Variants in DLST observed in about 807,000 individuals in gnomAD.
The protein encoded by DLST is dihydrolipoyllysine-residue succinyltransferase component of 2-oxoglutarate dehydrogenase complex, mitochondrial.
DLST carries 17 observed loss-of-function variants against 53.1 expected under a neutral mutation model. The observed-to-expected ratio is 0.32, with a 90% CI of 0.22 to 0.48. The LOEUF is 0.48. DLST is among the 20% of genes least tolerant of loss of function. The pLI is 0.99. For missense variants in DLST, 512 were observed against 583.9 expected, an observed-to-expected ratio of 0.88 and a Z score of 1.27; for synonymous variants, 206 against 204.8, an observed-to-expected ratio of 1.01 and a Z score of -0.05.
At chr14:74,899,652 A>G (rs1884179213) in intron 11 of DLST, among the ~76,000 whole-genome samples, 3 of 152,180 alleles carry the variant, frequency 2.0e-5, no homozygotes, top group Admixed American at 1.3e-4. Context: ...TACCTATCCT[A>G]TGGAAGCCAG....
intron 10 of DLST, among the ~76,000 whole-genome samples, chr14:74,897,088 GT>G (rs1311389384): frequency 1.3e-5 from 2 of 152,202 alleles, no homozygotes; most frequent in African/African-American, 4.8e-5. Flanking sequence ...ATTTGGGCAG[GT>G]TTGAGAGCAG....
chr14:74,894,200 A>G, intron 9 of DLST, 112 bp from the exon 10 acceptor site: 1 of 1,235,918 alleles, frequency 8.1e-7, no homozygotes, highest in Non-Finnish European at 1.1e-6. Context: ...GTACTTAGAT[A>G]CTGTAGTCCT....
Position 74,902,841 on chromosome 14 carries a change from T to G in DLST, c.*511T>G, listed in dbSNP as rs1467330099. The G allele has an allele frequency of 6.5e-6, 1 of 152,806 alleles. No individual in the cohort carries two copies. The highest frequency in any genetic ancestry group is 1.5e-5 in the Non-Finnish European group (1 of 68,144). The allele number at this position is 152,806 out of a possible 1,614,324, so 9.5% of individuals were successfully genotyped here. ...TTGAACACAGGCAAAGAGGTGCTGC[T>G]TTGCTTCTTCAATGGCACCTTCATT... is the stretch of plus-strand genomic sequence containing the variant. On this transcript the variant is annotated 3_prime_UTR_variant, in exon 15 of 15. Transcript: ENST00000334220.
At chr14:74,885,091 C>T (rs1883656474) in intron 2 of DLST, among the ~76,000 whole-genome samples, 2 of 152,174 alleles carry the variant, frequency 1.3e-5, no homozygotes. Context: ...GTAGCCAAGT[C>T]TTTGCTACTA....
chr14:74,889,780 A>T (rs1243255726), intron 5 of DLST, 117 bp from the exon 6 acceptor site: 5 of 934,132 alleles, frequency 5.4e-6, no homozygotes, highest in Non-Finnish European at 8.5e-6. Flanking sequence ...TTACATATGT[A>T]CTTTCTGCTG....
intron 1 of DLST, 133 bp from the exon 2 acceptor site, chr14:74,882,443 CTGCCAGCACGGTGTG>C: frequency 1.4e-6 from 1 of 717,466 alleles, no homozygotes. Flanking sequence ...TTGATTGGGT[CTGCCAGCACGGTGTG>C]TTGCATTTAC....
chr14:74,896,924 A>G (rs1179714062), intron 10 of DLST, among the ~76,000 whole-genome samples: 1 of 152,150 alleles, frequency 6.6e-6, no homozygotes, highest in Non-Finnish European at 1.5e-5. Flanking sequence ...GCTGCAGCCT[A>G]ATTTGGTTTA....
chr14:74,892,802 T>C (rs1883954167), intron 7 of DLST, 32 bp from the exon 8 acceptor site: 1 of 1,576,168 alleles, frequency 6.3e-7, no homozygotes, highest in Admixed American at 1.9e-5. Context: ...TTTCAGACAG[T>C]GCCAGTGGCA....
chr14:74,895,071 A>G (rs1212222314), intron 10 of DLST, among the ~76,000 whole-genome samples: 1 of 152,108 alleles, frequency 6.6e-6, no homozygotes, highest in Non-Finnish European at 1.5e-5. Context: ...TACAAAAAAT[A>G]CAAAAATTAG....
intron 10 of DLST, among the ~76,000 whole-genome samples, chr14:74,897,921 T>C (rs1037818319): frequency 6.0e-5 from 9 of 150,876 alleles, no homozygotes; most frequent in African/African-American, 1.7e-4. Flanking sequence ...ACGGGAGTTA[T>C]ACTCAGATTT....
intron 9 of DLST, among the ~76,000 whole-genome samples, chr14:74,894,065 T>C (rs1883996928): frequency 6.6e-6 from 1 of 152,218 alleles, no homozygotes; most frequent in African/African-American, 2.4e-5. Flanking sequence ...TTTAAATCAC[T>C]GTTTCTGAGC....
At chr14:74,897,780 G>A (rs753720510) in intron 10 of DLST, among the ~76,000 whole-genome samples, 2 of 152,164 alleles carry the variant, frequency 1.3e-5, no homozygotes, top group Non-Finnish European at 2.9e-5. Context: ...ATGACTTTCC[G>A]TGGGCCTGAA....
chr14:74,899,234 C>T (rs568505196), intron 11 of DLST, among the ~76,000 whole-genome samples: 2 of 151,952 alleles, frequency 1.3e-5, no homozygotes, highest in South Asian at 4.1e-4. Context: ...TGGCTCTCAT[C>T]TTTTTCAGTG....
chr14:74,882,790 C>T (rs1594870076), intron 2 of DLST, among the ~76,000 whole-genome samples, 166 bp downstream of exon 2: 1 of 152,200 alleles, frequency 6.6e-6, no homozygotes, highest in Admixed American at 6.5e-5. Context: ...ATTCATTTAG[C>T]TCGTAGTTGA....
intron 7 of DLST, chr14:74,891,630 G>C (rs1883911115): frequency 1.0e-6 from 1 of 985,428 alleles, no homozygotes; most frequent in Non-Finnish European, 1.2e-6. Context: ...AGGAAGGGTT[G>C]GTATTTCTTT....
At chr14:74,901,896 GC>G (rs1298611924) in intron 14 of DLST, among the ~76,000 whole-genome samples, 1 of 151,274 alleles carries the variant, frequency 6.6e-6, no homozygotes, top group Non-Finnish European at 1.5e-5. Flanking sequence ...AGTACAGGCA[GC>G]CAGAACTGAA....
At chr14:74,890,043 T>C in intron 6 of DLST, 91 bp downstream of exon 6, 3 of 1,094,296 alleles carry the variant, frequency 2.7e-6, no homozygotes, top group Admixed American at 2.5e-5. Flanking sequence ...TGTTTAGAGA[T>C]AATTTTTAAC....
Position 74,893,370 on chromosome 14 carries a change from T to G in DLST, c.618T>G (p.Val206=). ...CAGTGTCTGCAGTAAAACCCACTGT[T>G]GCCCCACCACTAGCTGAGCCAGGAG... is the stretch of plus-strand genomic sequence containing the variant. ...GKPVSAVKPT[V]APPLAEPGAG... is the part of the protein sequence containing the mutation. Residue 206 remains valine (V), a synonymous_variant, in exon 9 of 15, where the codon GTT becomes GTG. Coordinates refer to ENST00000334220, the MANE Select transcript of DLST (RefSeq NM_001933.5). 6.2e-7 allele frequency: 1 copy of G among 1,614,244 alleles called. No individual in the cohort carries two copies. Among genetic ancestry groups the G allele is most frequent in the South Asian group, 1.1e-5 (1 of 91,084 alleles).
At position 74,900,383 on chromosome 14, in the gene DLST, A is replaced by C; in HGVS notation, c.1059+11A>C. 6.2e-7 allele frequency: 1 copy of C among 1,611,890 alleles called. No homozygotes were observed. ...GAACTGGGAGAGAAGGTAAAGTAGA[A>C]AGATGTATACAAGCTGCTAAGCAGG... is the stretch of plus-strand genomic sequence containing the variant. On this transcript the variant is annotated intron_variant, in intron 13 of 14. Transcript: ENST00000334220.
Sources: gnomAD v4.1 joint callset for allele counts (sites outside exome capture counted in the v4.1 genomes callset) on GRCh38, gnomAD v4.1.1 for gene constraint, MANE v1.5 for transcripts, NCBI Gene and HGNC (gene_info 2026-07-23, HGNC 2026-07-21) for gene names.